The following PPHLN1 variants were observed in gnomAD, a reference collection of about 807,000 sequenced individuals.
PPHLN1 encodes periphilin-1.
PPHLN1 carries 29 observed loss-of-function variants against 51.3 expected under a neutral mutation model. The ratio of observed to expected loss-of-function variants is 0.57; its 90% CI spans 0.42 to 0.77. PPHLN1 has a LOEUF of 0.77. PPHLN1 is among the 30% of genes least tolerant of loss of function. The pLI, the probability that PPHLN1 is intolerant of heterozygous loss-of-function variation, is 0.00. For missense variants in PPHLN1, 436 were observed against 438.4 expected (o/e 0.99, Z 0.05); for synonymous variants, 147 against 147.8 (o/e 0.99, Z 0.04).
chr12:42,359,196 G>A (rs2074357578), intron 4 of PPHLN1: 1 of 152,098 alleles, frequency 6.6e-6, no homozygotes, highest in Admixed American at 6.6e-5. Context: ...TGGTTCATTA[G>A]TTGATCAGCT....
intron 4 of PPHLN1, among the ~76,000 whole-genome samples, chr12:42,367,512 A>G (rs538699551): frequency 6.6e-6 from 1 of 152,216 alleles, no homozygotes; most frequent in African/African-American, 2.4e-5. Flanking sequence ...TCCTAGATGT[A>G]ATTCTTTGGC....
In PPHLN1 at chr12:42,352,083, T is replaced by C. The variant is rs2073435695; in HGVS notation, c.237+34T>C. On this transcript the variant is annotated intron_variant, in intron 3 of 9. Coordinates refer to ENST00000358314, the MANE Select transcript of PPHLN1 (RefSeq NM_201439.2). ...ATTTCCCCCATGTACTAATTGTTAT[T>C]TCTTATAAGTTTAAAATTAATGTAA... 4.4e-6 allele frequency: 6 copies of C among 1,375,888 alleles called. No individual in the cohort carries two copies. The East Asian group carries it at 1.4e-4, about 32-fold the overall frequency. 85.2% of individuals were successfully genotyped at this position (1,375,888 alleles called of 1,614,324 possible). A position where few individuals can be genotyped will look rare whatever the true frequency, so the allele number is the denominator to read the frequency against.
intron 4 of PPHLN1, among the ~76,000 whole-genome samples, chr12:42,367,796 G>A (rs2075414115): frequency 6.6e-6 from 1 of 152,106 alleles, no homozygotes; most frequent in African/African-American, 2.4e-5. Flanking sequence ...GTACAGTGGC[G>A]TGATCTTGGC....
intron 9 of PPHLN1, among the ~76,000 whole-genome samples, chr12:42,412,136 C>T (rs2708076): frequency 0.3 from 45,221 of 151,116 alleles, 7,554 homozygotes; most frequent in Non-Finnish European, 0.38. Flanking sequence ...ACCCAGGAGG[C>T]GGAGGTTGCA....
intron 2 of PPHLN1, among the ~76,000 whole-genome samples, chr12:42,349,630 A>G (rs1005996374): frequency 7.2e-5 from 11 of 152,184 alleles, no homozygotes; most frequent in African/African-American, 2.7e-4. Context: ...TGCTGCCTTC[A>G]GGCATCTGTT....
At chr12:42,432,947 T>C (rs748209536) in intron 9 of PPHLN1, 22 of 1,402,884 alleles carry the variant, frequency 1.6e-5, no homozygotes, top group Non-Finnish European at 1.0e-6. Context: ...TGTTTCTGGA[T>C]GGTAAAAAAT....
chr12:42,375,945 A>G (rs2076232673), intron 5 of PPHLN1, among the ~76,000 whole-genome samples: 1 of 152,208 alleles, frequency 6.6e-6, no homozygotes, highest in African/African-American at 2.4e-5. Flanking sequence ...CTAGGGAACT[A>G]GAATATATGT....
At chr12:42,333,564 G>A (rs1296419558) in intron 1 of PPHLN1, among the ~76,000 whole-genome samples, 1 of 151,660 alleles carries the variant, frequency 6.6e-6, no homozygotes, top group Admixed American at 6.6e-5. Context: ...CTCACTGCAA[G>A]CTCCGCCTCC....
chr12:42,441,343 G>A lies in PPHLN1; in HGVS notation c.938G>A (p.Gly313Glu). The A allele has an allele frequency of 6.2e-7, 1 of 1,612,606 alleles. No individual in the cohort carries two copies. The highest frequency in any genetic ancestry group is 8.5e-7 in the Non-Finnish European group (1 of 1,179,058). ...TACCGACAAGACTGTGAAACTTTCGGGATGGTGGTGAAAATGCTGATTGAA... is the reference window on the plus strand; with the variant it reads ...TACCGACAAGACTGTGAAACTTTCGAGATGGTGGTGAAAATGCTGATTGAA... ...QVYRQDCETF[G>E]MVVKMLIEKD... Residue 313 changes from glycine to glutamate, a missense_variant, in exon 10 of 10, where the codon GGG becomes GAG. Coordinates refer to ENST00000358314, the MANE Select transcript of PPHLN1 (RefSeq NM_201439.2).
chr12:42,349,886 T>G (rs2072970699), intron 2 of PPHLN1, among the ~76,000 whole-genome samples: 1 of 152,206 alleles, frequency 6.6e-6, no homozygotes, highest in South Asian at 2.1e-4. Context: ...AAAACCGCCA[T>G]CGTCATCATG....
intron 9 of PPHLN1, among the ~76,000 whole-genome samples, chr12:42,401,871 T>C (rs1369930414): frequency 1.3e-5 from 2 of 152,160 alleles, no homozygotes; most frequent in Admixed American, 1.3e-4. Flanking sequence ...TGTTTGTTTT[T>C]TGAGACAGGG....
intron 2 of PPHLN1, among the ~76,000 whole-genome samples, chr12:42,341,659 A>G (rs930772967): frequency 2.0e-5 from 3 of 151,818 alleles, no homozygotes; most frequent in Non-Finnish European, 2.9e-5. Flanking sequence ...GTCTGGCTCT[A>G]TCGCCCAGGC....
intron 4 of PPHLN1, among the ~76,000 whole-genome samples, chr12:42,356,573 C>T (rs1202559492): frequency 6.6e-6 from 1 of 152,146 alleles, no homozygotes; most frequent in Admixed American, 6.5e-5. Context: ...ATTTGGCATA[C>T]ATGGCAATTA....
At chr12:42,329,295 T>C (rs574582888) in intron 1 of PPHLN1, among the ~76,000 whole-genome samples, 81 of 151,976 alleles carry the variant, frequency 5.3e-4, no homozygotes, top group South Asian at 4.2e-3. Context: ...TTAGTAGAGA[T>C]GGGGTTTCAC....
chr12:42,387,324 A>G, intron 6 of PPHLN1, 132 bp from the exon 7 acceptor site: 1 of 904,422 alleles, frequency 1.1e-6, no homozygotes. Context: ...TAACCTATTT[A>G]ATGTAATAAT....
At chr12:42,332,068 T>A (rs1421733810) in intron 1 of PPHLN1, among the ~76,000 whole-genome samples, 1 of 152,072 alleles carries the variant, frequency 6.6e-6, no homozygotes, top group East Asian at 1.9e-4. Context: ...TAGCCAGGTG[T>A]GGTGGTATGC....
intron 4 of PPHLN1, among the ~76,000 whole-genome samples, chr12:42,371,655 G>A (rs751851871): frequency 2.6e-5 from 4 of 152,076 alleles, no homozygotes; most frequent in Admixed American, 6.6e-5. Context: ...GCTACTAACC[G>A]CATGTACCTT....
chr12:42,351,184 T>G (rs1030875279), intron 2 of PPHLN1, among the ~76,000 whole-genome samples: 3 of 152,202 alleles, frequency 2.0e-5, no homozygotes, highest in African/African-American at 7.2e-5. Flanking sequence ...TGTAGCTCTC[T>G]ACTTCTTTCT....
chr12:42,367,733 T>C (rs2075407134), intron 4 of PPHLN1, among the ~76,000 whole-genome samples: 1 of 152,124 alleles, frequency 6.6e-6, no homozygotes, highest in Non-Finnish European at 1.5e-5. Context: ...AAGTAAATCA[T>C]TATTATTATT....
Sources: gnomAD v4.1 joint callset for allele counts (sites outside exome capture counted in the v4.1 genomes callset) on GRCh38, gnomAD v4.1.1 for gene constraint, MANE v1.5 for transcripts, NCBI Gene and HGNC (gene_info 2026-07-23, HGNC 2026-07-21) for gene names.